The following HMX1 variants were observed in gnomAD, a reference collection of about 807,000 sequenced individuals.
HMX1 encodes homeobox protein HMX1.
HMX1 carries 8 observed loss-of-function variants against 8.9 expected under a neutral mutation model. The observed-to-expected ratio is 0.90, with a 90% CI of 0.53 to 1.63. HMX1 has a LOEUF of 1.63. Among genes scored for constraint, HMX1 ranks in the 40% most tolerant of loss-of-function variants. HMX1 has a pLI of 0.00. For synonymous variants in HMX1, 311 were observed against 283.4 expected (o/e 1.10, Z -0.98); for missense variants, 621 against 558.5 (o/e 1.11, Z -1.13).
intron 1 of HMX1, among the ~76,000 whole-genome samples, chr4:8,858,405 G>C (rs1721684817): frequency 1.3e-5 from 2 of 152,214 alleles, no homozygotes; most frequent in African/African-American, 4.8e-5. Context: ...CGCAATTTTC[G>C]CAGAAGAAAA....
intron 1 of HMX1, among the ~76,000 whole-genome samples, chr4:8,859,803 G>C (rs1245403817): frequency 2.0e-5 from 3 of 152,250 alleles, no homozygotes; most frequent in Non-Finnish European, 4.4e-5. Flanking sequence ...CGGGCAAAGG[G>C]CTGATCAGCT....
chr4:8,868,189 T>C lies in HMX1; in HGVS notation c.551A>G (p.Glu184Gly). Residue 184 changes from glutamate (E) to glycine (G), a missense_variant, in exon 2 of 2, where the codon GAG becomes GGG. Transcript: ENST00000400677. This position sits in a 1 kb window ranked among gnomAD's most constrained non-coding sequence, Gnocchi z 4.6. ...AGTEEASELA[E>G]VPAAAGETRG... ...TGTCTCCCCAGCCGCCGCAGGGACC[T>C]CGGCCAGCTCCGACGCCTCCTCCGT... 1 of 1,484,998 alleles carries C rather than the reference T, an allele frequency of 6.7e-7. No individual in the cohort carries two copies. The highest frequency in any genetic ancestry group is 8.9e-7 in the Non-Finnish European group (1 of 1,123,238). 92.0% of individuals were successfully genotyped at this position (1,484,998 alleles called of 1,614,324 possible). A position where few individuals can be genotyped will look rare whatever the true frequency, so the allele number is the denominator to read the frequency against.
downstream of HMX1, among the ~76,000 whole-genome samples, chr4:8,864,133 G>A (rs1721917367): frequency 6.6e-6 from 1 of 152,226 alleles, no homozygotes; most frequent in South Asian, 2.1e-4. Context: ...TGGGCCCTGG[G>A]AGCTGGGGAG....
In HMX1 at chr4:8,868,815, C is replaced by T. The variant is rs997734526; in HGVS notation, c.395-470G>A. Among the ~76,000 whole-genome samples the T allele has an allele frequency of 1.3e-5, 2 of 152,146 alleles. No homozygotes were observed. Among genetic ancestry groups the T allele is most frequent in the South Asian group, 4.1e-4 (2 of 4,822 alleles). On this transcript the variant is annotated intron_variant, in intron 1 of 1. Coordinates refer to ENST00000400677, the MANE Select transcript of HMX1 (RefSeq NM_018942.3). This position sits in a 1 kb window ranked among gnomAD's most constrained non-coding sequence, Gnocchi z 4.6. ...CACACCGAAAAACAAGCACAGGACA[C>T]CCCCTGCCACCTGGCATCCAGCCCC...
At chr4:8,863,122 G>A (rs575251115), downstream of HMX1, among the ~76,000 whole-genome samples, 32 of 152,284 alleles carry the variant, frequency 2.1e-4, no homozygotes, top group African/African-American at 7.0e-4. Flanking sequence ...CAGGGTGGCC[G>A]AAGGGTATGA....
chr4:8,857,496 G>C (rs1010778759), intron 1 of HMX1, among the ~76,000 whole-genome samples: 2 of 152,144 alleles, frequency 1.3e-5, no homozygotes, highest in Non-Finnish European at 2.9e-5. Context: ...TTCCGCACCC[G>C]GTGGGGCGCG....
intron 1 of HMX1, among the ~76,000 whole-genome samples, chr4:8,858,227 G>A (rs1721678322): frequency 6.6e-6 from 1 of 152,156 alleles, no homozygotes; most frequent in Non-Finnish European, 1.5e-5. Flanking sequence ...GCGGTTACGC[G>A]CGCGGAGCTG....
rs1364466752 is a variant in HMX1 at position 8,848,138 on chromosome 4, T to C, written c.395-1814A>G. Among the ~76,000 whole-genome samples, 2 of 152,226 alleles carry C rather than the reference T, an allele frequency of 1.3e-5. No individual in the cohort carries two copies. Among genetic ancestry groups the C allele is most frequent in the African/African-American group, 2.4e-5 (1 of 41,458 alleles). ...TTATGATAGCTAAATTCAGATCAAGTATTTCCAATAAAACTTCGGCATCTG... is the reference window on the plus strand; with the variant it reads ...TTATGATAGCTAAATTCAGATCAAGCATTTCCAATAAAACTTCGGCATCTG... On this transcript the variant is annotated intron_variant, in intron 1 of 1. Coordinates refer to the HMX1 transcript ENST00000506970. This position sits in a 1 kb window ranked among gnomAD's most constrained non-coding sequence, Gnocchi z 4.1.
downstream of HMX1, among the ~76,000 whole-genome samples, chr4:8,864,144 G>A (rs1321896046): frequency 6.6e-6 from 1 of 152,206 alleles, no homozygotes. Context: ...AGCTGGGGAG[G>A]GATGTCCTGT....
chr4:8,867,702 G>T lies in HMX1; in HGVS notation c.1038C>A (p.Gly346=). ...GCCCGGCAGGCGGGGCTCACACCAG[G>T]CCAGGCATCTGCGCCCGCAGAAAGG... is the stretch of plus-strand genomic sequence containing the variant. The part of the protein sequence containing the change: ...SVPFLRAQMP[G]LV The change falls in exon 2 of 2, where the codon GGC becomes GGA. Residue 346 remains glycine (G), a synonymous_variant. Transcript: ENST00000400677. 7.9e-7 allele frequency: 1 copy of T among 1,272,360 alleles called. No homozygotes were observed. The highest frequency in any genetic ancestry group is 9.9e-7 in the Non-Finnish European group (1 of 1,013,690). 78.8% of individuals were successfully genotyped at this position (1,272,360 alleles called of 1,614,324 possible). A position where few individuals can be genotyped will look rare whatever the true frequency, so the allele number is the denominator to read the frequency against.
intron 1 of HMX1, among the ~76,000 whole-genome samples, chr4:8,859,647 T>A (rs1198029589): frequency 1.3e-5 from 2 of 152,164 alleles, no homozygotes; most frequent in East Asian, 3.9e-4. Context: ...CTCCTCGCCC[T>A]GTCATTGCCG....
In HMX1 at chr4:8,867,552, C is replaced by T. The variant is rs1722044233; in HGVS notation, c.*141G>A. On this transcript the variant is annotated 3_prime_UTR_variant, in exon 2 of 2. Coordinates refer to ENST00000400677, the MANE Select transcript of HMX1 (RefSeq NM_018942.3). Reference sequence around the variant, plus strand: ...ACAGAAGCTGAGGCCCGCCCGGCCGCGGCCTGCGCTCCCGAGGTATCTAGG... The same window carrying T: ...ACAGAAGCTGAGGCCCGCCCGGCCGTGGCCTGCGCTCCCGAGGTATCTAGG... 5 of 1,188,454 alleles carry T rather than the reference C, an allele frequency of 4.2e-6. No homozygotes were observed. Among genetic ancestry groups the T allele is most frequent in the East Asian group, 3.6e-5 (1 of 27,980 alleles). 73.6% of individuals were successfully genotyped at this position (1,188,454 alleles called of 1,614,324 possible). A position where few individuals can be genotyped will look rare whatever the true frequency, so the allele number is the denominator to read the frequency against.
chr4:8,867,795 T>TGGGGGCGGCGC lies in HMX1; in HGVS notation c.934_944dup (p.Pro316ArgfsTer98). On this transcript the variant is annotated frameshift_variant, in exon 2 of 2. Transcript: ENST00000400677. LOFTEE classifies it low-confidence loss of function (END_TRUNC). ...GGGCCCCGGAGAAGCCGAGCAGCGG[T>TGGGGGCGGCGC]GGGGGCGGCGCGGGCGCGGCGGGCG... 1.6e-6 allele frequency: 2 copies of TGGGGGCGGCGC among 1,238,222 alleles called. No individual in the cohort carries two copies. The highest frequency in any genetic ancestry group is 2.0e-6 in the Non-Finnish European group (2 of 994,890). The allele number at this position is 1,238,222 out of a possible 1,614,324, so 76.7% of individuals were successfully genotyped here.
At chr4:8,859,693 C>T (rs1405964862) in intron 1 of HMX1, among the ~76,000 whole-genome samples, 1 of 152,232 alleles carries the variant, frequency 6.6e-6, no homozygotes, top group Non-Finnish European at 1.5e-5. Flanking sequence ...TCTGCCTTCT[C>T]TACACACGTG....
In HMX1 at chr4:8,867,427, G is replaced by A. The variant is rs1722038450; in HGVS notation, c.*266C>T. ...GGCCGGGGGGTGGCCGTGGCGCCGGGGGCTGCGCAGCCCAGAGTCTCTGCA... is the reference window on the plus strand; with the variant it reads ...GGCCGGGGGGTGGCCGTGGCGCCGGAGGCTGCGCAGCCCAGAGTCTCTGCA... On this transcript the variant is annotated 3_prime_UTR_variant, in exon 2 of 2. Transcript: ENST00000400677. 1.8e-6 allele frequency: 2 copies of A among 1,095,810 alleles called. No homozygotes were observed. The highest frequency in any genetic ancestry group is 2.2e-6 in the Non-Finnish European group (2 of 901,718). 67.9% of individuals were successfully genotyped at this position (1,095,810 alleles called of 1,614,324 possible).
At position 8,867,519 on chromosome 4, in the gene HMX1, C is replaced by A; in HGVS notation, c.*174G>T. ...GGGGCGTCCCATTACATTCTAGAGGCGCTCCCCACAGAAGCTGAGGCCCGC... is the reference window on the plus strand; with the variant it reads ...GGGGCGTCCCATTACATTCTAGAGGAGCTCCCCACAGAAGCTGAGGCCCGC... On this transcript the variant is annotated 3_prime_UTR_variant, in exon 2 of 2. Coordinates refer to ENST00000400677, the MANE Select transcript of HMX1 (RefSeq NM_018942.3). 1 of 1,184,090 alleles carries A rather than the reference C, an allele frequency of 8.4e-7. No individual in the cohort carries two copies. Among genetic ancestry groups the A allele is most frequent in the South Asian group, 4.3e-5 (1 of 23,094 alleles). The allele number at this position is 1,184,090 out of a possible 1,614,324, so 73.3% of individuals were successfully genotyped here.
chr4:8,859,029 G>A (rs1721707521), intron 1 of HMX1: 1 of 152,394 alleles, frequency 6.6e-6, no homozygotes, highest in Non-Finnish European at 1.5e-5. Context: ...GAGTGGGGAG[G>A]AAGGAGGCCG....
At chr4:8,846,673 C>T (rs1721286639) in intron 1 of HMX1, among the ~76,000 whole-genome samples, 1 of 152,168 alleles carries the variant, frequency 6.6e-6, no homozygotes, top group African/African-American at 2.4e-5. Context: ...TCTCACACTC[C>T]CCTGCAAACA....
rs1256943381 is a variant in HMX1, at chr4:8,870,190, C to G, written c.394+1031G>C. 6.6e-6 allele frequency among the ~76,000 whole-genome samples: 1 copy of G among 151,796 alleles called. No homozygotes were observed. Among genetic ancestry groups the G allele is most frequent in the East Asian group, 1.9e-4 (1 of 5,146 alleles). On this transcript the variant is annotated intron_variant, in intron 1 of 1. Transcript: ENST00000400677. This position sits in a 1 kb window ranked among gnomAD's most constrained non-coding sequence, Gnocchi z 4.4. ...CCGGAGCCTGCAGAGGGCCCACGTCCTCAGCTGGCCTCAAGGTCCAAAGGC... is the reference window on the plus strand; with the variant it reads ...CCGGAGCCTGCAGAGGGCCCACGTCGTCAGCTGGCCTCAAGGTCCAAAGGC...
Sources: gnomAD v4.1 joint callset for allele counts (sites outside exome capture counted in the v4.1 genomes callset) on GRCh38, gnomAD v4.1.1 for gene constraint, Gnocchi (gnomAD v3.1) non-coding constraint, MANE v1.5 for transcripts, NCBI Gene and HGNC (gene_info 2026-07-23, HGNC 2026-07-21) for gene names.